Variants in PDZK1 observed in about 807,000 individuals in gnomAD.
PDZK1 encodes Na(+)/H(+) exchange regulatory cofactor NHE-RF3.
PDZK1 carries 23 observed loss-of-function variants against 38.1 expected under a neutral mutation model. The ratio of observed to expected loss-of-function variants is 0.60; its 90% confidence interval spans 0.43 to 0.85. The LOEUF (loss-of-function observed/expected upper bound fraction) is 0.85, where lower values mean the gene tolerates loss of function less well. Among genes scored for constraint, PDZK1 ranks in the 40% least tolerant of loss-of-function variants. PDZK1 has a pLI of 0.00. For missense variants in PDZK1, 297 were observed against 504.3 expected, an observed-to-expected ratio of 0.59 and a Z score of 3.94; for synonymous variants, 98 against 186.2, an observed-to-expected ratio of 0.53 and a Z score of 3.86.
intron 1 of PDZK1, among the ~76,000 whole-genome samples, chr1:145,692,719 A>AAAG (rs1199568715): frequency 2.7e-5 from 4 of 150,822 alleles, no homozygotes; most frequent in Non-Finnish European, 3.0e-5. Flanking sequence ...AAAAAAAAAA[A>AAAG]AAGAAGAAGA....
chr1:145,679,408 C>G (rs587625233), intron 5 of PDZK1, among the ~76,000 whole-genome samples: 1 of 152,258 alleles, frequency 6.6e-6, no homozygotes, highest in Admixed American at 6.5e-5. Context: ...TAGACGATTG[C>G]TAAGTCCTCT....
rs587766529 is a variant in PDZK1, at chr1:145,693,275, T to A, written c.-2-5252A>T. Among the ~76,000 whole-genome samples the A allele has an allele frequency of 4.1e-3, 628 of 152,282 alleles. 1 individual carries two copies. The highest frequency in any genetic ancestry group is 6.7e-3 in the Non-Finnish European group (459 of 68,024). ...AGACCGTGTCAGGTGATGCTAGCAA[T>A]AATAAATCATGTCATTTGAAAACTC... On this transcript the variant is annotated intron_variant, in intron 1 of 8. Coordinates refer to ENST00000417171, the MANE Select transcript of PDZK1 (RefSeq NM_001201325.2).
chr1:145,692,707 C>CAA (rs879949674), intron 1 of PDZK1, among the ~76,000 whole-genome samples: 4 of 102,600 alleles, frequency 3.9e-5, no homozygotes, highest in Admixed American at 1.1e-4. Context: ...GATTCCGTCT[C>CAA]AAAAAAAAAA....
intron 2 of PDZK1, 138 bp from the exon 3 acceptor site, chr1:145,686,864 C>T: frequency 1.1e-6 from 1 of 918,380 alleles, no homozygotes; most frequent in African/African-American, 1.7e-5. Context: ...GCAGGTAGTT[C>T]CTCAGCCACC....
intron 1 of PDZK1, among the ~76,000 whole-genome samples, chr1:145,697,474 T>C (rs1553704311): frequency 6.6e-6 from 1 of 152,140 alleles, no homozygotes. Context: ...TAGTTAACAA[T>C]GCCAAATAAT....
intron 5 of PDZK1, among the ~76,000 whole-genome samples, 164 bp from the exon 6 acceptor site, chr1:145,678,809 C>T (rs1175954750): frequency 3.6e-5 from 5 of 140,366 alleles, no homozygotes; most frequent in African/African-American, 1.3e-4. Context: ...TATAAGCACA[C>T]TATCTAGGCT....
At chr1:145,701,074 A>T (rs886973487) in intron 1 of PDZK1, among the ~76,000 whole-genome samples, 1 of 151,844 alleles carries the variant, frequency 6.6e-6, no homozygotes, top group Non-Finnish European at 1.5e-5. Context: ...GTGTGGTGGC[A>T]CACGCCTGTA....
intron 6 of PDZK1, among the ~76,000 whole-genome samples, chr1:145,674,522 C>T (rs1653444086): frequency 6.6e-6 from 1 of 152,174 alleles, no homozygotes; most frequent in Non-Finnish European, 1.5e-5. Context: ...AGTCTGTCTG[C>T]TAGAGCTGGG....
Position 145,691,051 on chromosome 1 carries a change from TG to T in PDZK1, c.-2-3029del, listed in dbSNP as rs1655199647. Among the ~76,000 whole-genome samples the T allele has an allele frequency of 2.0e-5, 3 of 152,294 alleles. No individual in the cohort carries two copies. In the South Asian group the frequency reaches 6.2e-4, roughly 32 times the overall value. On this transcript the variant is annotated intron_variant, in intron 1 of 8. Transcript: ENST00000417171. ...ACCATACTGGTGGGGAAACAGCTAC[TG>T]CTGCAAGCCCCCAACTGCCTTCTGC...
chr1:145,698,855 C>CCGGGAGG (rs781906885), intron 1 of PDZK1, among the ~76,000 whole-genome samples: 3 of 152,032 alleles, frequency 2.0e-5, no homozygotes, highest in Non-Finnish European at 4.4e-5. Flanking sequence ...TTGCTTGAAC[C>CCGGGAGG]CGGGAGGCGG....
At chr1:145,683,899 C>T (rs1253232821) in intron 3 of PDZK1, among the ~76,000 whole-genome samples, 5 of 149,384 alleles carry the variant, frequency 3.3e-5, no homozygotes, top group South Asian at 2.1e-4. Context: ...TAGGCTGGAA[C>T]GCAGGGCCGC....
At chr1:145,690,372 G>A (rs587715041) in intron 1 of PDZK1, among the ~76,000 whole-genome samples, 19 of 152,244 alleles carry the variant, frequency 1.2e-4, no homozygotes, top group African/African-American at 4.3e-4. Flanking sequence ...AAAGAAAGAC[G>A]AGGTCTCAAT....
intron 3 of PDZK1, among the ~76,000 whole-genome samples, chr1:145,684,548 T>C (rs1654583739): frequency 6.6e-6 from 1 of 152,154 alleles, no homozygotes; most frequent in African/African-American, 2.4e-5. Context: ...TTTGTACATA[T>C]TTATAGGGTG....
intron 3 of PDZK1, 88 bp from the exon 4 acceptor site, chr1:145,682,724 C>T: frequency 7.3e-7 from 1 of 1,374,118 alleles, no homozygotes; most frequent in South Asian, 1.3e-5. Flanking sequence ...CTGATTAGCC[C>T]CAGTCCTGTG....
intron 1 of PDZK1, among the ~76,000 whole-genome samples, chr1:145,699,215 G>A (rs1655811256): frequency 6.6e-6 from 1 of 151,942 alleles, no homozygotes; most frequent in South Asian, 2.1e-4. Flanking sequence ...TCCAGCCTGG[G>A]CAACGAGTGA....
chr1:145,689,331 A>C (rs753534404), intron 1 of PDZK1, among the ~76,000 whole-genome samples: 6 of 152,274 alleles, frequency 3.9e-5, no homozygotes, highest in Admixed American at 1.3e-4. Flanking sequence ...TTCATGCTTC[A>C]GGCTCCCAAA....
At chr1:145,674,186 G>C in intron 6 of PDZK1, 1 of 985,392 alleles carries the variant, frequency 1.0e-6, no homozygotes, top group Non-Finnish European at 1.2e-6. Context: ...TTTTGAGTGA[G>C]TTCATGATAG....
At chr1:145,685,257 C>G (rs1442581835) in intron 3 of PDZK1, among the ~76,000 whole-genome samples, 1 of 151,990 alleles carries the variant, frequency 6.6e-6, no homozygotes, top group Non-Finnish European at 1.5e-5. Context: ...GGCAAGGGAT[C>G]GCTTGCTAAT....
rs375754856 is a variant in PDZK1 at position 145,698,864 on chromosome 1, G to A, written c.-3+8453C>T. ...GGAGAATTGCTTGAACCCGGGAGGCGGGAGGCGGAGGCTGCAGTAAGCCAA... is the reference window on the plus strand; with the variant it reads ...GGAGAATTGCTTGAACCCGGGAGGCAGGAGGCGGAGGCTGCAGTAAGCCAA... On this transcript the variant is annotated intron_variant, in intron 1 of 8. Transcript: ENST00000417171. Among the ~76,000 whole-genome samples, 27 of 152,058 alleles carry A rather than the reference G, an allele frequency of 1.8e-4. No individual in the cohort carries two copies. The South Asian group carries it at 4.4e-3, about 25-fold the overall frequency.
Sources: allele counts gnomAD v4.1 joint callset (sites outside exome capture counted in the v4.1 genomes callset), GRCh38; gene constraint gnomAD v4.1.1; transcripts MANE v1.5; gene names NCBI Gene and HGNC (gene_info 2026-07-23, HGNC 2026-07-21).